Variants in LRP1B observed in about 807,000 individuals in gnomAD.
The protein encoded by LRP1B is low-density lipoprotein receptor-related protein 1B.
Under a neutral mutation model 556.6 loss-of-function variants are expected in LRP1B, and 217 were observed. That is an observed-to-expected ratio of 0.39 (90% confidence interval 0.35 to 0.44). The LOEUF (loss-of-function observed/expected upper bound fraction) is 0.44. LRP1B is among the 20% of genes least tolerant of loss of function. LRP1B has a pLI of 1.00. For synonymous variants in LRP1B, 2,047 were observed against 1,865.8 expected, an observed-to-expected ratio of 1.10 and a Z score of -2.50; for missense variants, 5,053 against 5,620.8, an observed-to-expected ratio of 0.90 and a Z score of 3.23.
chr2:141,883,293 C>G (rs911249640), intron 1 of LRP1B, among the ~76,000 whole-genome samples: 2 of 152,062 alleles, frequency 1.3e-5, no homozygotes, highest in African/African-American at 2.4e-5. Flanking sequence ...AATAGCACTA[C>G]AAGCAAAGCA....
At chr2:141,168,279 T>A (rs1195585115) in intron 7 of LRP1B, among the ~76,000 whole-genome samples, 4 of 152,064 alleles carry the variant, frequency 2.6e-5, no homozygotes, top group African/African-American at 9.7e-5. Context: ...ACAGCCTGTA[T>A]CTATTGTAAA....
At chr2:140,970,511 CTTT>C (rs1165742010) in intron 18 of LRP1B, among the ~76,000 whole-genome samples, 4 of 152,012 alleles carry the variant, frequency 2.6e-5, no homozygotes, top group Non-Finnish European at 4.4e-5. Flanking sequence ...CTGAAGCCTT[CTTT>C]TCTCAACTCG....
At chr2:140,950,158 TTC>T in intron 20 of LRP1B, 75 bp downstream of exon 20, 1 of 1,082,188 alleles carries the variant, frequency 9.2e-7, no homozygotes, top group Non-Finnish European at 1.3e-6. Context: ...TTATACAATA[TTC>T]TCTCTGTAAT....
intron 7 of LRP1B, among the ~76,000 whole-genome samples, chr2:141,182,071 G>A (rs966255456): frequency 6.6e-6 from 1 of 151,828 alleles, no homozygotes; most frequent in African/African-American, 2.4e-5. Context: ...TACTTTCTTG[G>A]GGCTCTTAGT....
intron 83 of LRP1B, among the ~76,000 whole-genome samples, chr2:140,309,018 A>G (rs1684183629): frequency 6.6e-6 from 1 of 151,742 alleles, no homozygotes; most frequent in African/African-American, 2.4e-5. Flanking sequence ...TTGACTTCAG[A>G]CTTTGATTCA....
At chr2:141,927,825 C>A (rs920985981) in intron 1 of LRP1B, among the ~76,000 whole-genome samples, 1 of 151,024 alleles carries the variant, frequency 6.6e-6, no homozygotes, top group African/African-American at 2.4e-5. Context: ...TCCCCATCTT[C>A]CCCCCAAGCT....
chr2:141,073,234 A>T lies in LRP1B; in HGVS notation c.1014-10961T>A, dbSNP rs555555717. Among the ~76,000 whole-genome samples the T allele has an allele frequency of 5.9e-3, 898 of 151,938 alleles. 10 individuals are homozygous for T. Among genetic ancestry groups the T allele is most frequent in the African/African-American group, 0.02 (847 of 41,454 alleles). ...TACATCATCCAAATTTACCATTCAAATTTTTTTTCTTACAGAAGTTACCAA... is the reference window on the plus strand; with the variant it reads ...TACATCATCCAAATTTACCATTCAATTTTTTTTTCTTACAGAAGTTACCAA... On this transcript the variant is annotated intron_variant, in intron 7 of 90. Coordinates refer to ENST00000389484, the MANE Select transcript of LRP1B (RefSeq NM_018557.3).
At chr2:142,127,700 A>G (rs942332571) in intron 1 of LRP1B, among the ~76,000 whole-genome samples, 1 of 151,990 alleles carries the variant, frequency 6.6e-6, no homozygotes, top group Non-Finnish European at 1.5e-5. Context: ...TAAAATTTTG[A>G]TATACATTTA....
In LRP1B at chr2:141,250,890, TA is replaced by T. The variant is rs530395011; in HGVS notation, c.464-3537del. Among the ~76,000 whole-genome samples the T allele has an allele frequency of 1.8e-4, 27 of 152,280 alleles. No individual in the cohort carries two copies. In the South Asian group the frequency reaches 3.7e-3, roughly 21 times the overall value. On this transcript the variant is annotated intron_variant, in intron 4 of 90. Transcript: ENST00000389484. ...AATAAAGAAACCTCAACTGGCATGT[TA>T]AAAAATCCCCAGCGGAGGGGTAACA... is the stretch of plus-strand genomic sequence containing the variant.
rs916637381 is a variant in LRP1B at position 140,891,990 on chromosome 2, TGA to T, written c.3767-5657_3767-5656del. On this transcript the variant is annotated intron_variant, in intron 23 of 90. Coordinates refer to ENST00000389484, the MANE Select transcript of LRP1B (RefSeq NM_018557.3). ...AATCCTCCTTTGGGGTGTGTGTGTGTGAGAGGCAGAGTGAGAGAGAAGAGCAC... is the reference window on the plus strand; with the variant it reads ...AATCCTCCTTTGGGGTGTGTGTGTGTGAGGCAGAGTGAGAGAGAAGAGCAC... 2.6e-5 allele frequency among the ~76,000 whole-genome samples: 4 copies of T among 152,066 alleles called. No homozygotes were observed. The East Asian group carries it at 5.8e-4, about 22-fold the overall frequency.
At chr2:141,597,171 C>A (rs62166491) in intron 2 of LRP1B, among the ~76,000 whole-genome samples, 17,087 of 151,864 alleles carry the variant, frequency 0.11, 1,198 homozygotes, top group South Asian at 0.24. Context: ...TTTCCTACTG[C>A]CCATGTCAAC....
chr2:140,314,654 T>C (rs1201030922), intron 83 of LRP1B, among the ~76,000 whole-genome samples: 1 of 152,044 alleles, frequency 6.6e-6, no homozygotes, highest in East Asian at 1.9e-4. Flanking sequence ...GCTTGGAAAA[T>C]TGGCTCTACT....
At chr2:140,998,091 G>A (rs1046090050) in intron 15 of LRP1B, among the ~76,000 whole-genome samples, 4 of 152,014 alleles carry the variant, frequency 2.6e-5, no homozygotes, top group Admixed American at 1.3e-4. Context: ...CAGATAAATG[G>A]TTCACCATAG....
chr2:140,499,684 G>T (rs1298023091), intron 55 of LRP1B, among the ~76,000 whole-genome samples: 1 of 151,772 alleles, frequency 6.6e-6, no homozygotes. Context: ...CTAAGTATTT[G>T]TGTATCTAAA....
chr2:141,822,841 G>A (rs915708644), intron 1 of LRP1B, among the ~76,000 whole-genome samples: 15 of 152,090 alleles, frequency 9.9e-5, no homozygotes, highest in Admixed American at 3.9e-4. Flanking sequence ...TACAAGCTGC[G>A]GATGGTTTAG....
chr2:141,330,602 C>T (rs58567172), intron 3 of LRP1B, among the ~76,000 whole-genome samples: 2,777 of 152,220 alleles, frequency 0.018, 85 homozygotes, highest in African/African-American at 0.062. Context: ...CAAGTCTCCA[C>T]TCAACTTGTT....
chr2:140,683,142 T>A (rs1685923537), intron 41 of LRP1B, among the ~76,000 whole-genome samples: 1 of 152,176 alleles, frequency 6.6e-6, no homozygotes, highest in Non-Finnish European at 1.5e-5. Context: ...TCCTTTTTTT[T>A]AAACCTTAAT....
intron 32 of LRP1B, among the ~76,000 whole-genome samples, chr2:140,796,020 A>G (rs1690297939): frequency 6.6e-6 from 1 of 152,024 alleles, no homozygotes; most frequent in South Asian, 2.1e-4. Flanking sequence ...GAAGAGACAT[A>G]GGGGCAATAT....
At chr2:140,791,498 G>A (rs774064470) in intron 32 of LRP1B, among the ~76,000 whole-genome samples, 4 of 152,002 alleles carry the variant, frequency 2.6e-5, no homozygotes, top group Admixed American at 6.6e-5. Context: ...TTCTAGGCAG[G>A]TTGTGACTTG....
Sources: allele counts gnomAD v4.1 joint callset (sites outside exome capture counted in the v4.1 genomes callset), GRCh38; gene constraint gnomAD v4.1.1; transcripts MANE v1.5; gene names NCBI Gene and HGNC (gene_info 2026-07-23, HGNC 2026-07-21).